Variants in INPP5D observed in about 807,000 individuals in gnomAD.
INPP5D encodes the protein phosphatidylinositol 3,4,5-trisphosphate 5-phosphatase 1.
Under a neutral mutation model 122.9 loss-of-function variants are expected in INPP5D, and 33 were observed. That is an observed-to-expected ratio of 0.27 (90% CI 0.20 to 0.36). The LOEUF is 0.36. INPP5D is among the 10% of genes least tolerant of loss of function. The pLI is 1.00. For missense variants in INPP5D, 1,053 were observed against 1,412.7 expected (o/e 0.75, Z 4.08); for synonymous variants, 584 against 576.2 (o/e 1.01, Z -0.19).
chr2:233,184,125 G>A (rs1048454632), intron 19 of INPP5D, among the ~76,000 whole-genome samples: 3 of 152,182 alleles, frequency 2.0e-5, no homozygotes, highest in Admixed American at 6.5e-5. Context: ...GGTATTGCCT[G>A]AGGTCACACA....
chr2:233,137,361 A>G (rs1693492377), intron 5 of INPP5D, among the ~76,000 whole-genome samples: 1 of 152,168 alleles, frequency 6.6e-6, no homozygotes, highest in Non-Finnish European at 1.5e-5. Context: ...TTTAAAAAAA[A>G]GGAATAGAAG....
intron 13 of INPP5D, among the ~76,000 whole-genome samples, chr2:233,168,005 CAAAA>C (rs58025565): frequency 0.022 from 1,576 of 72,908 alleles, 27 homozygotes; most frequent in Middle Eastern, 0.061. Flanking sequence ...ACTCTGTCTC[CAAAA>C]AAAAAAAAAA....
chr2:233,157,814 G>A (rs140066574), intron 9 of INPP5D, among the ~76,000 whole-genome samples: 1,814 of 152,170 alleles, frequency 0.012, 11 homozygotes, highest in African/African-American at 0.02. Flanking sequence ...GAAATTGGTT[G>A]CCTGTAGGGA....
chr2:233,183,219 G>T lies in INPP5D; in HGVS notation c.2161+720G>T, dbSNP rs1432563248. ...GTGACCAGGGAGCCATGTTGTCTCT[G>T]CCCAGTCTCTGCTTCCGCGGTCAGC... On this transcript the variant is annotated intron_variant, in intron 19 of 26. Coordinates refer to ENST00000445964, the MANE Select transcript of INPP5D (RefSeq NM_001017915.3). This position sits in a 1 kb window ranked among gnomAD's most constrained non-coding sequence, Gnocchi z 4.6. 2.0e-5 allele frequency among the ~76,000 whole-genome samples: 3 copies of T among 152,198 alleles called. No homozygotes were observed. The highest frequency in any genetic ancestry group is 4.4e-5 in the Non-Finnish European group (3 of 68,042).
chr2:233,102,534 G>A (rs1218115357), intron 2 of INPP5D, among the ~76,000 whole-genome samples: 4 of 152,144 alleles, frequency 2.6e-5, no homozygotes, highest in East Asian at 1.9e-4. Context: ...GCTAAGAACC[G>A]GTCTTTCATA....
chr2:233,123,297 T>C (rs1693046642), intron 3 of INPP5D, among the ~76,000 whole-genome samples: 1 of 151,748 alleles, frequency 6.6e-6, no homozygotes, highest in East Asian at 1.9e-4. Flanking sequence ...CTACTAAAAA[T>C]ACAAAAATTA....
intron 2 of INPP5D, among the ~76,000 whole-genome samples, chr2:233,114,787 C>G (rs1366703301): frequency 6.6e-6 from 1 of 152,184 alleles, no homozygotes; most frequent in Non-Finnish European, 1.5e-5. Context: ...ACCGTCCTCT[C>G]TAGTGGCTTT....
At chr2:233,139,773 C>G (rs966172883) in intron 5 of INPP5D, 69 bp from the exon 6 acceptor site, 24 of 397,048 alleles carry the variant, frequency 6.0e-5, no homozygotes, top group Non-Finnish European at 7.1e-5. Flanking sequence ...GGCTAGAGCC[C>G]GTGCTGCCAT....
chr2:233,139,100 T>A (rs1425562606), intron 5 of INPP5D, among the ~76,000 whole-genome samples: 1 of 152,072 alleles, frequency 6.6e-6, no homozygotes, highest in Non-Finnish European at 1.5e-5. Flanking sequence ...GTAACCCAAA[T>A]ATCTAGCAAT....
chr2:233,087,758 G>A (rs531970838), intron 2 of INPP5D, among the ~76,000 whole-genome samples: 1 of 152,306 alleles, frequency 6.6e-6, no homozygotes, highest in East Asian at 1.9e-4. Flanking sequence ...TAAGAAGATA[G>A]AAAGTGCTAC....
At chr2:233,166,476 C>G (rs1694343595) in intron 13 of INPP5D, among the ~76,000 whole-genome samples, 1 of 152,154 alleles carries the variant, frequency 6.6e-6, no homozygotes, top group Non-Finnish European at 1.5e-5. Context: ...TCAGGGGCCT[C>G]CCTGAGAAGG....
intron 8 of INPP5D, 115 bp downstream of exon 8, chr2:233,146,553 G>A: frequency 1.5e-6 from 1 of 686,994 alleles, no homozygotes; most frequent in Non-Finnish European, 2.7e-6. Context: ...AGAGCAGGGA[G>A]CGCATTAGCC....
At chr2:233,089,653 C>T (rs756946912) in intron 2 of INPP5D, among the ~76,000 whole-genome samples, 8 of 152,174 alleles carry the variant, frequency 5.3e-5, no homozygotes, top group African/African-American at 1.7e-4. Flanking sequence ...GCGTTATAGC[C>T]GTATGTCCTG....
At chr2:233,130,410 T>G (rs1693287309) in intron 4 of INPP5D, 98 bp from the exon 5 acceptor site, 1 of 1,343,774 alleles carries the variant, frequency 7.4e-7, no homozygotes, top group Non-Finnish European at 1.0e-6. Context: ...TTGGAGGCTC[T>G]GAGGATGAGG....
chr2:233,138,961 A>G (rs1008073816), intron 5 of INPP5D, among the ~76,000 whole-genome samples: 6 of 149,076 alleles, frequency 4.0e-5, no homozygotes, highest in East Asian at 4.0e-4. Flanking sequence ...TCACCACGTT[A>G]GCCAGGATGG....
In INPP5D at chr2:233,170,806, T is replaced by G. The variant is rs1332318653; in HGVS notation, c.1900+202T>G. ...CTGTAGTCCCAGCTACTTGGGAGGCTGAGGCAGGAGGATGGTGTGAACCAG... is the reference window on the plus strand; with the variant it reads ...CTGTAGTCCCAGCTACTTGGGAGGCGGAGGCAGGAGGATGGTGTGAACCAG... On this transcript the variant is annotated intron_variant, in intron 16 of 26. Coordinates refer to ENST00000445964, the MANE Select transcript of INPP5D (RefSeq NM_001017915.3). This position sits in a 1 kb window ranked among gnomAD's most constrained non-coding sequence, Gnocchi z 4.5. Among the ~76,000 whole-genome samples, 7 of 149,580 alleles carry G rather than the reference T, an allele frequency of 4.7e-5. No individual in the cohort carries two copies. Among genetic ancestry groups the G allele is most frequent in the African/African-American group, 1.7e-4 (7 of 40,312 alleles).
chr2:233,082,975 G>A lies in INPP5D; in HGVS notation c.198+3577G>A, dbSNP rs1691729811. On this transcript the variant is annotated intron_variant, in intron 2 of 26. Transcript: ENST00000445964. This position sits in a 1 kb window ranked among gnomAD's most constrained non-coding sequence, Gnocchi z 4.7. ...GAGGGACAGGGAGACAGGGCAATGT[G>A]GCCTCTCAGAGAGCTTGGCCTCTTG... Among the ~76,000 whole-genome samples the A allele has an allele frequency of 6.6e-6, 1 of 152,222 alleles. No homozygotes were observed. Among genetic ancestry groups the A allele is most frequent in the Admixed American group, 6.5e-5 (1 of 15,282 alleles).
chr2:233,155,676 G>A (rs1694033644), intron 9 of INPP5D, among the ~76,000 whole-genome samples: 1 of 151,174 alleles, frequency 6.6e-6, no homozygotes, highest in Non-Finnish European at 1.5e-5. Flanking sequence ...TAAATAAGAC[G>A]AGTTCAGGAG....
Position 233,204,715 on chromosome 2 carries a change from C to A in INPP5D, c.3565C>A (p.Gln1189Lys), listed in dbSNP as rs954860869. The change falls in exon 26 of 27, where the codon CAG becomes AAG. Residue 1189 changes from glutamine (Q) to lysine (K), a missense_variant and splice_region_variant. Around this residue, in one of 6 missense-constraint regions of INPP5D, gnomAD observed 417 missense variants for 425.8 expected, o/e 0.98. Transcript: ENST00000445964. ...AGGGCCTCTAGGCAGGACTGCCATG[C>A]AGGTGCGCTGCGCCACACGTGGGTT... ...PPGPLGRTAM[Q>K] 6 of 1,512,280 alleles carry A rather than the reference C, an allele frequency of 4.0e-6. No homozygotes were observed. Among genetic ancestry groups the A allele is most frequent in the South Asian group, 1.3e-5 (1 of 78,224 alleles). 93.7% of individuals were successfully genotyped at this position (1,512,280 alleles called of 1,614,324 possible). A position where few individuals can be genotyped will look rare whatever the true frequency, so the allele number is the denominator to read the frequency against.
Sources: allele counts gnomAD v4.1 joint callset (sites outside exome capture counted in the v4.1 genomes callset), GRCh38; gene constraint gnomAD v4.1.1; regional missense constraint gnomAD v4.1.1; non-coding constraint Gnocchi (gnomAD v3.1); transcripts MANE v1.5; gene names NCBI Gene and HGNC (gene_info 2026-07-23, HGNC 2026-07-21).